The following CCDC63 variants were observed in gnomAD, a reference collection of about 807,000 sequenced individuals.
CCDC63 encodes the protein coiled-coil domain-containing protein 63.
Under a neutral mutation model 63.6 loss-of-function variants are expected in CCDC63, and 54 were observed. The observed-to-expected ratio is 0.85, with a 90% CI of 0.68 to 1.07. The LOEUF (loss-of-function observed/expected upper bound fraction) is 1.07. Among genes scored for constraint, CCDC63 ranks in the 50% least tolerant of loss-of-function variants. The pLI, the probability that CCDC63 is intolerant of heterozygous loss-of-function variation, is 0.00. For synonymous variants in CCDC63, 253 were observed against 266.1 expected, an observed-to-expected ratio of 0.95 and a Z score of 0.48; for missense variants, 637 against 689.6, an observed-to-expected ratio of 0.92 and a Z score of 0.86.
At chr12:110,888,793 CCTTCCTTCCTTCCT>C (rs2071317952) in intron 8 of CCDC63, among the ~76,000 whole-genome samples, 1 of 16,080 alleles carries the variant, frequency 6.2e-5, no homozygotes, top group African/African-American at 3.8e-4. Context: ...TTCTTTCCTT[CCTTCCTTCCTTCCT>C]TCCTTCCTTC....
chr12:110,849,803 T>G (rs2070684087), intron 1 of CCDC63, among the ~76,000 whole-genome samples: 1 of 152,134 alleles, frequency 6.6e-6, no homozygotes. Flanking sequence ...CCGGCCCAAG[T>G]TCTCACTTTT....
chr12:110,882,146 G>A (rs1027745917), intron 7 of CCDC63, among the ~76,000 whole-genome samples: 15 of 152,176 alleles, frequency 9.9e-5, no homozygotes, highest in African/African-American at 2.7e-4. Flanking sequence ...GAAACTGGGC[G>A]CAAGCTTCCA....
intron 2 of CCDC63, 23 bp from the exon 3 acceptor site, chr12:110,853,382 C>T (rs1222664190): frequency 6.2e-7 from 1 of 1,601,308 alleles, no homozygotes; most frequent in East Asian, 2.2e-5. Context: ...CTACGGCCTC[C>T]CACTCCTCTC....
rs114761668 is a variant in CCDC63 at position 110,853,432 on chromosome 12, G to T, written c.37G>T (p.Asp13Tyr). ...GAAGAAGAACAGGAGAAAAGACTCC[G>T]ACACTCCCCAGGAACCTTCGGAGAA... ...VLKKNRRKDS[D>Y]TPQEPSEKAK... The change falls in exon 3 of 12, where the codon GAC (aspartate) becomes TAC (tyrosine). Residue 13 changes from aspartate (D) to tyrosine (Y), a missense_variant. Physicochemically the swap from Asp to Tyr is radical, Grantham distance 160. Coordinates refer to ENST00000308208, the MANE Select transcript of CCDC63 (RefSeq NM_152591.3). The T allele has an allele frequency of 3.9e-5, 63 of 1,612,744 alleles. No individual in the cohort carries two copies. In the African/African-American group the frequency reaches 6.8e-4, roughly 17 times the overall value.
rs769120162 is a variant in CCDC63, at chr12:110,890,773, C to CTTTTTTTT, written c.1075-2288_1075-2281dup. ...CATCTTCTATTTTTTTCCTCCTTTT[C>CTTTTTTTT]TTTTTTTTTTTTTTTTTTTTTTGAG... On this transcript the variant is annotated intron_variant, in intron 8 of 11. Coordinates refer to ENST00000308208, the MANE Select transcript of CCDC63 (RefSeq NM_152591.3). Among the ~76,000 whole-genome samples the CTTTTTTTT allele has an allele frequency of 3.8e-4, 37 of 98,392 alleles. 1 individual carries two copies. The highest frequency in any genetic ancestry group is 7.3e-4 in the African/African-American group (18 of 24,514). The allele number at this position is 98,392 out of a possible 152,430, so 64.5% of individuals were successfully genotyped here. A position where few individuals can be genotyped will look rare whatever the true frequency, so the allele number is the denominator to read the frequency against.
intron 8 of CCDC63, among the ~76,000 whole-genome samples, chr12:110,892,179 C>A (rs891200470): frequency 1.3e-5 from 2 of 152,072 alleles, no homozygotes; most frequent in Non-Finnish European, 2.9e-5. Context: ...TTGAGAACTC[C>A]CACTCCACAG....
intron 8 of CCDC63, among the ~76,000 whole-genome samples, chr12:110,888,791 T>C (rs1461412132): frequency 2.2e-4 from 1 of 4,546 alleles, no homozygotes; most frequent in African/African-American, 2.0e-3. Flanking sequence ...CCTTCTTTCC[T>C]TCCTTCCTTC....
intron 9 of CCDC63, among the ~76,000 whole-genome samples, chr12:110,895,639 G>A (rs923338560): frequency 2.6e-5 from 4 of 152,170 alleles, no homozygotes; most frequent in Admixed American, 6.5e-5. Flanking sequence ...GCTCTGTGAC[G>A]TTGAGGTAGT....
At chr12:110,893,008 C>A in intron 8 of CCDC63, 68 bp from the exon 9 acceptor site, 1 of 1,273,142 alleles carries the variant, frequency 7.9e-7, no homozygotes, top group South Asian at 1.2e-5. Flanking sequence ...GAGGCGCACA[C>A]TTATTTTTGG....
chr12:110,847,192 C>G (rs1008576335), intron 1 of CCDC63, 87 bp downstream of exon 1: 4 of 152,266 alleles, frequency 2.6e-5, no homozygotes, highest in African/African-American at 7.2e-5. Context: ...GGTCCCCAGT[C>G]CATTCATATC....
At chr12:110,900,226 A>T (rs542637502) in intron 10 of CCDC63, among the ~76,000 whole-genome samples, 1 of 152,072 alleles carries the variant, frequency 6.6e-6, no homozygotes, top group South Asian at 2.1e-4. Flanking sequence ...CAAACCAAAA[A>T]AATAATAATA....
rs2070777519 is a variant in CCDC63 at position 110,856,821 on chromosome 12, C to G, written c.180-1765C>G. ...TTTTGGCCGGTTTGCCAACTCCTGT[C>G]CTAGGACATTTTCCTTTCCTTTCTT... On this transcript the variant is annotated intron_variant, in intron 3 of 11. Coordinates refer to ENST00000308208, the MANE Select transcript of CCDC63 (RefSeq NM_152591.3). 2.7e-5 allele frequency among the ~76,000 whole-genome samples: 4 copies of G among 150,682 alleles called. No individual in the cohort carries two copies. In the Admixed American group the frequency reaches 2.7e-4, roughly 10 times the overall value.
chr12:110,854,404 C>T (rs1285101500), intron 3 of CCDC63, among the ~76,000 whole-genome samples: 2 of 151,322 alleles, frequency 1.3e-5, no homozygotes, highest in Admixed American at 1.3e-4. Context: ...AGGTGATTCT[C>T]CTGCCTCAGC....
At chr12:110,905,848 ATG>A (rs1477789175) in intron 11 of CCDC63, among the ~76,000 whole-genome samples, 17 of 108,266 alleles carry the variant, frequency 1.6e-4, no homozygotes, top group East Asian at 4.9e-4. Flanking sequence ...ATGTATATAT[ATG>A]TGTGTGTGTA....
intron 3 of CCDC63, among the ~76,000 whole-genome samples, chr12:110,856,461 G>T (rs910994121): frequency 4.0e-5 from 6 of 151,892 alleles, no homozygotes; most frequent in Non-Finnish European, 8.8e-5. Flanking sequence ...AGCTTCCCCC[G>T]CCCGCCTCCT....
chr12:110,871,189 T>G (rs2071060607), intron 4 of CCDC63, among the ~76,000 whole-genome samples: 1 of 152,208 alleles, frequency 6.6e-6, no homozygotes, highest in Admixed American at 6.5e-5. Flanking sequence ...TTGCCCAGGC[T>G]GGAGTGCAGT....
chr12:110,904,838 G>A (rs748930462), intron 11 of CCDC63, 47 bp downstream of exon 11: 1 of 1,494,054 alleles, frequency 6.7e-7, no homozygotes, highest in Non-Finnish European at 9.1e-7. Context: ...GGGAACCTGT[G>A]CCTTCAGGTC....
chr12:110,892,969 C>T (rs1007898240), intron 8 of CCDC63, 107 bp from the exon 9 acceptor site: 18 of 851,564 alleles, frequency 2.1e-5, no homozygotes, highest in African/African-American at 1.8e-4. Context: ...CTCTTTGAAA[C>T]GGATCATTGA....
intron 5 of CCDC63, 35 bp from the exon 6 acceptor site, chr12:110,879,871 A>T (rs999920984): frequency 1.2e-6 from 2 of 1,603,878 alleles, no homozygotes; most frequent in Admixed American, 1.7e-5. Flanking sequence ...CAAAACAGAA[A>T]TGAGACCTGT....
Sources: gnomAD v4.1 joint callset for allele counts (sites outside exome capture counted in the v4.1 genomes callset) on GRCh38, gnomAD v4.1.1 for gene constraint, MANE v1.5 for transcripts, NCBI Gene and HGNC (gene_info 2026-07-23, HGNC 2026-07-21) for gene names.